NDUFAF7: variants seen among roughly 807,000 people sequenced by gnomAD.
NDUFAF7 encodes the protein NADH:ubiquinone oxidoreductase complex assembly factor 7, also known as protein arginine methyltransferase NDUFAF7, mitochondrial.
In NDUFAF7, 48 loss-of-function variants were observed where a neutral mutation model predicts 47.2. That is an observed-to-expected ratio of 1.02 (90% CI 0.81 to 1.29). NDUFAF7 has a LOEUF of 1.29. NDUFAF7 is among the 50% of genes most tolerant of loss of function. The pLI is 0.00. For missense variants in NDUFAF7, 635 were observed against 537.6 expected, an observed-to-expected ratio of 1.18 and a Z score of -1.79; for synonymous variants, 217 against 190.0, an observed-to-expected ratio of 1.14 and a Z score of -1.17.
At chr2:37,260,204 A>G in the NDUFAF7 span, 1 of 1,569,532 alleles carries the variant, frequency 6.4e-7, no homozygotes, top group Non-Finnish European at 8.6e-7. Context: ...AGTTTAAAAA[A>G]AAAAAGGAGT....
chr2:37,243,955 AGCAGAAGCCTTCAT>A lies in NDUFAF7; in HGVS notation c.775_788del (p.Ala259ThrfsTer3). ...TTGTTTTGGCACCTTCTGCCACCCC[AGCAGAAGCCTTCAT>A]ACAAGTAAGAATATGCTTTTTTAAG... On this transcript the variant is annotated frameshift_variant, in exon 7 of 10. Transcript: ENST00000002125. LOFTEE classifies it high-confidence loss of function. 1 of 1,611,646 alleles carries A rather than the reference AGCAGAAGCCTTCAT, an allele frequency of 6.2e-7. No individual in the cohort carries two copies. The highest frequency in any genetic ancestry group is 8.5e-7 in the Non-Finnish European group (1 of 1,177,860).
the NDUFAF7 span, chr2:37,269,788 A>T: frequency 1.2e-6 from 1 of 811,878 alleles, no homozygotes; most frequent in Non-Finnish European, 1.9e-6. Flanking sequence ...TTTTTATGTT[A>T]GAAGCAGCTA....
chr2:37,241,689 G>T lies in NDUFAF7; in HGVS notation c.520G>T (p.Val174Phe), dbSNP rs764261689. 41 of 1,613,964 alleles carry T rather than the reference G, an allele frequency of 2.5e-5. No individual in the cohort carries two copies. Among genetic ancestry groups the T allele is most frequent in the Non-Finnish European group, 2.7e-5 (32 of 1,179,976 alleles). ...AGCATTGACACTGACTAAAGAGAAG[G>T]TCCCGTTAGAGCGAAATGCTGGATC... ...IQALTLTKEK[V>F]PLERNAGSPV... The change falls in exon 5 of 10, where the codon GTC becomes TTC. Residue 174 changes from valine to phenylalanine, a missense_variant. Physicochemically the swap from Val to Phe is conservative, Grantham distance 50. Coordinates refer to ENST00000002125, the MANE Select transcript of NDUFAF7 (RefSeq NM_144736.5).
downstream of NDUFAF7, among the ~76,000 whole-genome samples, chr2:37,257,888 T>C (rs1668107498): frequency 6.6e-6 from 1 of 152,094 alleles, no homozygotes; most frequent in Non-Finnish European, 1.5e-5. Context: ...AACAAATTAT[T>C]TCTAGTTAGA....
At chr2:37,247,697 A>G (rs1186759749) in intron 9 of NDUFAF7, 68 bp downstream of exon 9, 4 of 1,553,432 alleles carry the variant, frequency 2.6e-6, no homozygotes, top group Admixed American at 1.7e-5. Flanking sequence ...TTTAAATAGT[A>G]TGTTCACCTG....
chr2:37,267,401 T>C, the NDUFAF7 span: 2 of 1,432,694 alleles, frequency 1.4e-6, no homozygotes, highest in Non-Finnish European at 1.9e-6. Flanking sequence ...GCCTCTTTAA[T>C]AAACCAGTTT....
chr2:37,231,738 G>A lies in NDUFAF7; in HGVS notation c.33G>A (p.Pro11=), dbSNP rs779995231. 2 of 1,614,230 alleles carry A rather than the reference G, an allele frequency of 1.2e-6. No individual in the cohort carries two copies. Residue 11 remains proline, a synonymous_variant, in exon 1 of 10, where the codon CCG becomes CCA. Transcript: ENST00000002125. MSVLLRSGLG[P]LCAVARAAIP... is the part of the protein sequence containing the mutation. The stretch of plus-strand genomic sequence containing the variant: ...TACTGCTGAGGTCAGGTTTGGGGCC[G>A]TTGTGTGCCGTGGCGCGCGCAGGTA...
chr2:37,239,947 G>A (rs557634889), intron 4 of NDUFAF7, among the ~76,000 whole-genome samples: 1 of 152,204 alleles, frequency 6.6e-6, no homozygotes, highest in South Asian at 2.1e-4. Flanking sequence ...TCCCATTTAT[G>A]GTAGATATTC....
intron 8 of NDUFAF7, 47 bp downstream of exon 8, chr2:37,246,242 T>C: frequency 6.2e-7 from 1 of 1,603,704 alleles, no homozygotes; most frequent in Non-Finnish European, 8.5e-7. Flanking sequence ...CAGTGTTAGA[T>C]CTGAAGCCCA....
At chr2:37,253,055 T>C (rs1297215837), downstream of NDUFAF7, 57 of 1,041,888 alleles carry the variant, frequency 5.5e-5, no homozygotes, top group Middle Eastern at 9.6e-4. Flanking sequence ...GTGTCACTTA[T>C]TCGTTATCAT....
At chr2:37,269,281 G>A in the NDUFAF7 span, 1 of 274,636 alleles carries the variant, frequency 3.6e-6, no homozygotes, top group East Asian at 7.6e-5. Flanking sequence ...AACTAGTAGG[G>A]AATATACTTC....
At chr2:37,249,620 G>A (rs540483381), downstream of NDUFAF7, among the ~76,000 whole-genome samples, 9 of 104,078 alleles carry the variant, frequency 8.6e-5, no homozygotes, top group South Asian at 3.3e-4. Flanking sequence ...AGATCGCTCC[G>A]TTGCACTGTA....
At chr2:37,264,495 GAA>G in the NDUFAF7 span, among the ~76,000 whole-genome samples, 2 of 49,568 alleles carry the variant, frequency 4.0e-5, no homozygotes, top group Non-Finnish European at 7.6e-5. Flanking sequence ...ATGGAGAAAA[GAA>G]AAAGAGTTAA....
chr2:37,259,236 C>A, the NDUFAF7 span, among the ~76,000 whole-genome samples: 2 of 152,190 alleles, frequency 1.3e-5, no homozygotes, highest in African/African-American at 2.4e-5. Flanking sequence ...AAATCTATCT[C>A]CCATTTCCAG....
At chr2:37,257,029 C>A (rs916115905), downstream of NDUFAF7, 43 of 1,244,292 alleles carry the variant, frequency 3.5e-5, no homozygotes, top group African/African-American at 6.1e-4. Context: ...AACATACTTG[C>A]CAGCTCTACT....
Position 37,242,717 on chromosome 2 carries a change from T to C in NDUFAF7, c.681+24T>C, listed in dbSNP as rs1368957091. On this transcript the variant is annotated intron_variant, in intron 6 of 9. Coordinates refer to ENST00000002125, the MANE Select transcript of NDUFAF7 (RefSeq NM_144736.5). ...AGGTATTGAGGGGGGAAAAAAGTCA[T>C]GTCTATAATTGAATACAAAAGGCAT... 4 of 1,527,388 alleles carry C rather than the reference T, an allele frequency of 2.6e-6. No homozygotes were observed. In the African/African-American group the frequency reaches 4.1e-5, roughly 16 times the overall value. The allele number at this position is 1,527,388 out of a possible 1,614,324, so 94.6% of individuals were successfully genotyped here.
At chr2:37,267,452 C>T in the NDUFAF7 span, 13 of 1,603,964 alleles carry the variant, frequency 8.1e-6, no homozygotes, top group African/African-American at 5.4e-5. Flanking sequence ...CACTTCATTA[C>T]GGAGTTGACT....
chr2:37,256,371 C>G (rs920983281), downstream of NDUFAF7, among the ~76,000 whole-genome samples: 3 of 152,172 alleles, frequency 2.0e-5, no homozygotes, highest in South Asian at 6.2e-4. Flanking sequence ...TAGGAAGGAC[C>G]AGAAAAGAGT....
At chr2:37,253,092 AG>A (rs1667643984), downstream of NDUFAF7, 2 of 1,353,910 alleles carry the variant, frequency 1.5e-6, no homozygotes, top group Non-Finnish European at 2.0e-6. Context: ...GCAGCACTGC[AG>A]ATGACAATCT....
Sources: allele counts gnomAD v4.1 joint callset (sites outside exome capture counted in the v4.1 genomes callset), GRCh38; gene constraint gnomAD v4.1.1; transcripts MANE v1.5; gene names NCBI Gene and HGNC (gene_info 2026-07-23, HGNC 2026-07-21).